Variants in FAM227B observed in about 807,000 individuals in gnomAD.
The protein encoded by FAM227B is protein FAM227B.
Under a neutral mutation model 73.8 loss-of-function variants are expected in FAM227B, and 88 were observed. The ratio of observed to expected loss-of-function variants is 1.19; its 90% confidence interval spans 1.00 to 1.42. FAM227B has a LOEUF of 1.42. FAM227B is among the 40% of genes most tolerant of loss of function. FAM227B has a pLI of 0.00. For missense variants in FAM227B, 632 were observed against 590.9 expected (o/e 1.07, Z -0.72); for synonymous variants, 210 against 190.5 (o/e 1.10, Z -0.84).
intron 11 of FAM227B, among the ~76,000 whole-genome samples, chr15:49,450,076 G>C (rs1342760882): frequency 6.6e-6 from 1 of 152,046 alleles, no homozygotes; most frequent in Non-Finnish European, 1.5e-5. Context: ...AAATCCATAA[G>C]ACTGAGAAGA....
At chr15:49,556,403 G>C (rs2073687941) in intron 9 of FAM227B, among the ~76,000 whole-genome samples, 1 of 152,194 alleles carries the variant, frequency 6.6e-6, no homozygotes, top group African/African-American at 2.4e-5. Context: ...TCCTGCCCCA[G>C]CTTTGTTCCC....
chr15:49,424,688 TAAATA>T, intron 11 of FAM227B: 1 of 889,556 alleles, frequency 1.1e-6, no homozygotes, highest in Non-Finnish European at 1.7e-6. Flanking sequence ...GAAAAAAAAT[TAAATA>T]AAATGTCACC....
At chr15:49,464,323 A>G (rs1454873733) in intron 11 of FAM227B, among the ~76,000 whole-genome samples, 1 of 152,212 alleles carries the variant, frequency 6.6e-6, no homozygotes, top group East Asian at 1.9e-4. Flanking sequence ...AAAGAGAAAC[A>G]GAAAAGGAAT....
intron 13 of FAM227B, among the ~76,000 whole-genome samples, chr15:49,357,433 AC>A (rs2083559028): frequency 6.6e-6 from 1 of 151,596 alleles, no homozygotes; most frequent in Non-Finnish European, 1.5e-5. Context: ...AATACAAACT[AC>A]CATCAGAGAA....
intron 8 of FAM227B, chr15:49,574,705 A>T (rs1379388683): frequency 1.2e-5 from 2 of 168,824 alleles, no homozygotes; most frequent in African/African-American, 4.8e-5. Context: ...CACCTTTCTA[A>T]TTCTGGATCT....
At chr15:49,435,074 A>G (rs1874611) in intron 11 of FAM227B, among the ~76,000 whole-genome samples, 151,117 of 151,576 alleles carry the variant, frequency 1, 75,329 homozygotes, top group Middle Eastern at 1. Context: ...CATACAAAAT[A>G]GTATACATTA....
intron 11 of FAM227B, among the ~76,000 whole-genome samples, chr15:49,447,533 G>T (rs980672958): frequency 6.6e-6 from 1 of 151,598 alleles, no homozygotes; most frequent in Non-Finnish European, 1.5e-5. Flanking sequence ...ACTAAGTCTT[G>T]GTAGCATATG....
chr15:49,409,185 T>G (rs2048714136), intron 11 of FAM227B, among the ~76,000 whole-genome samples: 1 of 152,130 alleles, frequency 6.6e-6, no homozygotes, highest in Non-Finnish European at 1.5e-5. Flanking sequence ...ATTGGAGGGC[T>G]TCTTATTTGG....
intron 11 of FAM227B, among the ~76,000 whole-genome samples, chr15:49,393,055 T>C (rs965993532): frequency 6.6e-6 from 1 of 152,198 alleles, no homozygotes; most frequent in Admixed American, 6.5e-5. Context: ...TAGTTACCTG[T>C]TACTGTAGAA....
chr15:49,409,249 G>A (rs558070582), intron 11 of FAM227B, among the ~76,000 whole-genome samples: 3 of 151,946 alleles, frequency 2.0e-5, no homozygotes, highest in African/African-American at 4.8e-5. Context: ...TTTAAGATGC[G>A]GCACACTTGA....
intron 11 of FAM227B, among the ~76,000 whole-genome samples, chr15:49,411,580 G>A (rs1358426931): frequency 2.0e-5 from 3 of 152,022 alleles, no homozygotes; most frequent in Admixed American, 2.0e-4. Context: ...TAAAGGATGA[G>A]TACATATAAA....
chr15:49,471,559 A>G (rs2054768445), intron 11 of FAM227B, among the ~76,000 whole-genome samples: 1 of 151,022 alleles, frequency 6.6e-6, no homozygotes, highest in East Asian at 1.9e-4. Flanking sequence ...ATTTATATAC[A>G]GAAGAAAGAT....
At chr15:49,620,423 G>A (rs1452577959) in intron 1 of FAM227B, among the ~76,000 whole-genome samples, 1 of 152,170 alleles carries the variant, frequency 6.6e-6, no homozygotes, top group Non-Finnish European at 1.5e-5. Context: ...TGTTTGGGGA[G>A]AGGCACGGAC....
At chr15:49,352,257 A>G (rs1434559612) in intron 13 of FAM227B, among the ~76,000 whole-genome samples, 1 of 152,240 alleles carries the variant, frequency 6.6e-6, no homozygotes, top group African/African-American at 2.4e-5. Flanking sequence ...CGAAGTCACA[A>G]AGTCAAACTC....
intron 5 of FAM227B, among the ~76,000 whole-genome samples, chr15:49,586,439 G>C (rs1038037080): frequency 1.3e-5 from 2 of 152,088 alleles, no homozygotes; most frequent in Admixed American, 6.6e-5. Flanking sequence ...GAAAACCCTG[G>C]AAGACAACCT....
chr15:49,517,748 T>C lies in FAM227B; in HGVS notation c.875-9400A>G, dbSNP rs534316338. On this transcript the variant is annotated intron_variant, in intron 10 of 15. Transcript: ENST00000299338. The stretch of plus-strand genomic sequence containing the variant: ...CAATTAATTTTTTACAAATTTAATA[T>C]ATAGTGCTCACATAACCAGCACCTA... Among the ~76,000 whole-genome samples the C allele has an allele frequency of 8.7e-4, 133 of 152,326 alleles. 5 individuals are homozygous for C. In the South Asian group the frequency reaches 0.026, roughly 30 times the overall value.
chr15:49,536,884 C>T (rs978472164), intron 10 of FAM227B, among the ~76,000 whole-genome samples: 1 of 151,824 alleles, frequency 6.6e-6, no homozygotes, highest in Non-Finnish European at 1.5e-5. Context: ...ATGAAATGGA[C>T]CCTTATTTTA....
At chr15:49,386,456 G>C (rs768984231) in intron 11 of FAM227B, among the ~76,000 whole-genome samples, 53 of 151,720 alleles carry the variant, frequency 3.5e-4, no homozygotes, top group Non-Finnish European at 1.5e-5. Context: ...TGAATTGAAT[G>C]ATGATAATGA....
At chr15:49,482,172 T>G (rs754243773) in intron 11 of FAM227B, among the ~76,000 whole-genome samples, 14 of 152,078 alleles carry the variant, frequency 9.2e-5, no homozygotes, top group Non-Finnish European at 1.6e-4. Flanking sequence ...AAAATGTAAT[T>G]AATAGCAAAT....
Sources: gnomAD v4.1 joint callset for allele counts (sites outside exome capture counted in the v4.1 genomes callset) on GRCh38, gnomAD v4.1.1 for gene constraint, MANE v1.5 for transcripts, NCBI Gene and HGNC (gene_info 2026-07-23, HGNC 2026-07-21) for gene names.